RNF212: variants seen among roughly 807,000 people sequenced by gnomAD.
RNF212 encodes probable E3 SUMO-protein ligase RNF212.
Under a neutral mutation model 34.7 loss-of-function variants are expected in RNF212, and 33 were observed. The ratio of observed to expected loss-of-function variants is 0.95; its 90% CI spans 0.72 to 1.27. RNF212 has a LOEUF of 1.27. Ranked by LOEUF, RNF212 falls within the 50% of genes most tolerant of loss-of-function variation. RNF212 has a pLI of 0.00. For missense variants in RNF212, 377 were observed against 362.2 expected (o/e 1.04, Z -0.33); for synonymous variants, 140 against 136.1 (o/e 1.03, Z -0.20).
chr4:1,069,210 C>A (rs1373344760), downstream of RNF212, among the ~76,000 whole-genome samples: 19 of 149,350 alleles, frequency 1.3e-4, no homozygotes, highest in African/African-American at 1.7e-4. Flanking sequence ...GATTGTGTCT[C>A]AAAAAAAAAA....
chr4:1,085,598 T>C (rs1721036207), intron 5 of RNF212: 1 of 504,316 alleles, frequency 2.0e-6, no homozygotes, highest in African/African-American at 1.9e-5. Context: ...TGGGTCACTC[T>C]GAGAGGCCGG....
chr4:1,090,686 G>A lies in RNF212; in HGVS notation c.303+96C>T. On this transcript the variant is annotated intron_variant, in intron 4 of 9. Transcript: ENST00000433731. Reference sequence around the variant, plus strand: ...AGAGAAACAGATATTGCATCTAGCAGCCATCCCCTTTGAGAGCAAGGTGTT... The same window carrying A: ...AGAGAAACAGATATTGCATCTAGCAACCATCCCCTTTGAGAGCAAGGTGTT... 2.2e-5 allele frequency: 17 copies of A among 761,106 alleles called. 1 individual carries two copies. Among genetic ancestry groups the A allele is most frequent in the South Asian group, 2.1e-4 (15 of 69,772 alleles). 47.1% of individuals were successfully genotyped at this position (761,106 alleles called of 1,614,324 possible). A position where few individuals can be genotyped will look rare whatever the true frequency, so the allele number is the denominator to read the frequency against.
intron 3 of RNF212, among the ~76,000 whole-genome samples, chr4:1,066,278 T>C (rs1202489097): frequency 6.6e-6 from 1 of 152,212 alleles, no homozygotes; most frequent in Admixed American, 6.5e-5. Flanking sequence ...TATCTTTTCA[T>C]GTGCTTATTG....
chr4:1,067,781 T>C (rs568295496), downstream of RNF212, among the ~76,000 whole-genome samples: 9 of 151,968 alleles, frequency 5.9e-5, no homozygotes, highest in East Asian at 1.7e-3. Flanking sequence ...GGCACAAGAA[T>C]TGCTTGAACC....
At chr4:1,093,782 G>C (rs1007145873) in intron 3 of RNF212, 17 of 1,536,188 alleles carry the variant, frequency 1.1e-5, no homozygotes, top group Non-Finnish European at 1.4e-5. Context: ...GGTCCTGCTG[G>C]GATGGAGCAG....
At chr4:1,077,946 C>T (rs1285072768) in intron 8 of RNF212, among the ~76,000 whole-genome samples, 1 of 152,148 alleles carries the variant, frequency 6.6e-6, no homozygotes, top group Non-Finnish European at 1.5e-5. Context: ...GGAGAGGATG[C>T]GTGTGCTTGA....
chr4:1,086,442 G>A (rs2153046753), intron 4 of RNF212, among the ~76,000 whole-genome samples: 1 of 151,152 alleles, frequency 6.6e-6, no homozygotes, highest in South Asian at 2.1e-4. Flanking sequence ...TTTGCTGGGA[G>A]GATTAGGAGA....
intron 3 of RNF212, among the ~76,000 whole-genome samples, chr4:1,091,855 G>C (rs1249569388): frequency 1.3e-5 from 2 of 152,204 alleles, no homozygotes; most frequent in African/African-American, 4.8e-5. Context: ...TACTCGACAA[G>C]GGGACTATGT....
intron 2 of RNF212, among the ~76,000 whole-genome samples, chr4:1,105,287 C>T (rs1356940945): frequency 5.9e-5 from 4 of 67,642 alleles, no homozygotes; most frequent in Non-Finnish European, 7.8e-5. Context: ...TGCTCTGCTC[C>T]GCGCTCACCG....
In RNF212 at chr4:1,109,345, T is replaced by A. The variant is rs146265365; in HGVS notation, c.110-941A>T. ...TTATAGTGATATCTTAATCTAAAAT[T>A]TTTAACTATTCAAAATGAACCTCAA... On this transcript the variant is annotated intron_variant, in intron 1 of 9. Coordinates refer to ENST00000433731, the MANE Select transcript of RNF212 (RefSeq NM_001131034.4). Among the ~76,000 whole-genome samples the A allele has an allele frequency of 1.4e-3, 217 of 152,210 alleles. 1 individual carries two copies. The highest frequency in any genetic ancestry group is 4.9e-3 in the African/African-American group (204 of 41,526).
chr4:1,060,342 G>A (rs1370620493), intron 3 of RNF212, among the ~76,000 whole-genome samples: 3 of 152,162 alleles, frequency 2.0e-5, no homozygotes, highest in African/African-American at 7.2e-5. Context: ...AGTCCTTCAG[G>A]TTCTGCTGAG....
intron 7 of RNF212, among the ~76,000 whole-genome samples, chr4:1,080,221 C>G (rs11732520): frequency 6.6e-6 from 1 of 151,978 alleles, no homozygotes; most frequent in Admixed American, 6.5e-5. Flanking sequence ...CCTTATGGCT[C>G]GTGATCTCTG....
downstream of RNF212, among the ~76,000 whole-genome samples, chr4:1,067,411 AATAG>A (rs1718160458): frequency 2.0e-5 from 3 of 152,374 alleles, no homozygotes; most frequent in South Asian, 4.1e-4. Context: ...TATAGATTAT[AATAG>A]ATCAAAAAAA....
chr4:1,070,879 G>A (rs924891013), downstream of RNF212, among the ~76,000 whole-genome samples: 9 of 145,908 alleles, frequency 6.2e-5, no homozygotes, highest in African/African-American at 2.3e-4. Context: ...TTGGAGTTTT[G>A]TTTTTTTTTT....
intron 3 of RNF212, among the ~76,000 whole-genome samples, chr4:1,066,088 T>C (rs1333719652): frequency 6.6e-6 from 1 of 150,494 alleles, no homozygotes; most frequent in African/African-American, 2.4e-5. Context: ...ACTATCTTGC[T>C]GTTTTTTTTT....
intron 3 of RNF212, among the ~76,000 whole-genome samples, chr4:1,059,088 C>A (rs903225786): frequency 6.6e-6 from 1 of 152,238 alleles, no homozygotes; most frequent in Non-Finnish European, 1.5e-5. Flanking sequence ...TGAGGGAGCC[C>A]AAGCATTAGG....
chr4:1,069,310 G>A (rs1195431441), downstream of RNF212, among the ~76,000 whole-genome samples: 2 of 152,158 alleles, frequency 1.3e-5, no homozygotes, highest in Admixed American at 6.5e-5. Context: ...ATAGTAGAAT[G>A]ACAATTAATA....
chr4:1,102,458 G>A (rs73061799), intron 2 of RNF212, among the ~76,000 whole-genome samples: 7,310 of 152,050 alleles, frequency 0.048, 591 homozygotes, highest in African/African-American at 0.17. Flanking sequence ...ATGTATACAT[G>A]GACACACACA....
chr4:1,097,182 G>A (rs1190997215), intron 2 of RNF212, among the ~76,000 whole-genome samples: 1 of 152,186 alleles, frequency 6.6e-6, no homozygotes, highest in Non-Finnish European at 1.5e-5. Context: ...TTAGTATGGA[G>A]ACATACTAAA....
Sources: allele counts gnomAD v4.1 joint callset (sites outside exome capture counted in the v4.1 genomes callset), GRCh38; gene constraint gnomAD v4.1.1; transcripts MANE v1.5; gene names NCBI Gene and HGNC (gene_info 2026-07-23, HGNC 2026-07-21).